The following NAALADL2 variants were observed in gnomAD, a reference collection of about 807,000 sequenced individuals.
NAALADL2 encodes N-acetylated alpha-linked acidic dipeptidase like 2.
NAALADL2 carries 76 observed loss-of-function variants against 87.2 expected under a neutral mutation model. That is an observed-to-expected ratio of 0.87 (90% confidence interval 0.72 to 1.05). The LOEUF (loss-of-function observed/expected upper bound fraction) is 1.05. NAALADL2 is among the 50% of genes least tolerant of loss of function. The pLI is 0.00. For missense variants in NAALADL2, 1,089 were observed against 945.8 expected (o/e 1.15, Z -1.99); for synonymous variants, 354 against 331.0 (o/e 1.07, Z -0.75).
chr3:174,766,891 A>G (rs1005013419), intron 3 of NAALADL2, among the ~76,000 whole-genome samples: 2 of 152,160 alleles, frequency 1.3e-5, no homozygotes, highest in Non-Finnish European at 2.9e-5. Flanking sequence ...AAATTTCTTT[A>G]CTATCTGCGG....
intron 13 of NAALADL2, among the ~76,000 whole-genome samples, chr3:175,794,248 A>C (rs541418052): frequency 6.6e-6 from 1 of 152,286 alleles, no homozygotes; most frequent in African/African-American, 2.4e-5. Flanking sequence ...AAATACTAAG[A>C]GATAATGAGT....
At chr3:174,924,063 C>G (rs1420116348) in intron 1 of NAALADL2, among the ~76,000 whole-genome samples, 1 of 151,984 alleles carries the variant, frequency 6.6e-6, no homozygotes, top group Non-Finnish European at 1.5e-5. Context: ...TATGCTGTTA[C>G]ATGCTTTTCT....
At chr3:175,154,278 G>T (rs1320614173) in intron 2 of NAALADL2, among the ~76,000 whole-genome samples, 1 of 152,034 alleles carries the variant, frequency 6.6e-6, no homozygotes, top group Non-Finnish European at 1.5e-5. Context: ...TATCCTACTG[G>T]ACTATGAAGA....
intron 9 of NAALADL2, among the ~76,000 whole-genome samples, chr3:175,508,318 C>T (rs1730642044): frequency 1.3e-5 from 2 of 152,138 alleles, no homozygotes; most frequent in Admixed American, 6.5e-5. Flanking sequence ...CTTGGGTGAT[C>T]TCATTAAATC....
intron 5 of NAALADL2, among the ~76,000 whole-genome samples, chr3:175,338,485 C>A (rs1762222448): frequency 6.6e-6 from 1 of 151,228 alleles, no homozygotes; most frequent in Admixed American, 6.6e-5. Flanking sequence ...GGTCCCCGTC[C>A]CTGTGAGGAA....
intron 1 of NAALADL2, among the ~76,000 whole-genome samples, chr3:174,875,862 C>T (rs577117491): frequency 3.9e-4 from 60 of 152,092 alleles, no homozygotes; most frequent in Non-Finnish European, 6.9e-4. Context: ...AAAGCCAAAT[C>T]TGAGAGTGAT....
In NAALADL2 at chr3:174,735,752, A is replaced by C. The variant is rs142020489; in HGVS notation, c.-114-1889A>C. Among the ~76,000 whole-genome samples, 459 of 152,068 alleles carry C rather than the reference A, an allele frequency of 3.0e-3. 2 individuals are homozygous for C. The highest frequency in any genetic ancestry group is 0.011 in the African/African-American group (440 of 41,476). On this transcript the variant is annotated intron_variant, in intron 2 of 3. Coordinates refer to the NAALADL2 transcript ENST00000434257. ...TTTTTTATTTTTATTTCTTGTAGAGATAGGGTCCCACTGTTCCAGGATCCT... is the reference window on the plus strand; with the variant it reads ...TTTTTTATTTTTATTTCTTGTAGAGCTAGGGTCCCACTGTTCCAGGATCCT...
chr3:175,201,793 GAA>G (rs149252405), intron 2 of NAALADL2, among the ~76,000 whole-genome samples: 3 of 137,736 alleles, frequency 2.2e-5, no homozygotes, highest in East Asian at 2.1e-4. Context: ...TACTTATTTG[GAA>G]AAAAAAAAAA....
chr3:174,457,763 A>G (rs1258287310), intron 1 of NAALADL2, among the ~76,000 whole-genome samples: 34 of 152,152 alleles, frequency 2.2e-4, no homozygotes, highest in Non-Finnish European at 1.5e-4. Flanking sequence ...GTGAGCTAAG[A>G]TCGTGCCATT....
intron 3 of NAALADL2, among the ~76,000 whole-genome samples, chr3:175,243,196 T>A (rs575840548): frequency 3.2e-4 from 48 of 151,634 alleles, no homozygotes; most frequent in African/African-American, 1.1e-3. Context: ...TTAGAGAGAC[T>A]TCTCTTTGGA....
intron 1 of NAALADL2, among the ~76,000 whole-genome samples, chr3:175,070,377 G>A (rs996995820): frequency 2.0e-5 from 3 of 151,854 alleles, no homozygotes; most frequent in African/African-American, 4.8e-5. Context: ...AGCTTTTATT[G>A]CATATAATGA....
At chr3:175,131,290 G>A (rs934302696) in intron 2 of NAALADL2, among the ~76,000 whole-genome samples, 1 of 151,928 alleles carries the variant, frequency 6.6e-6, no homozygotes, top group African/African-American at 2.4e-5. Context: ...CTAGGCAGAG[G>A]ACCCTGCGGC....
At chr3:174,512,898 T>C (rs1006568798) in intron 1 of NAALADL2, among the ~76,000 whole-genome samples, 1 of 152,146 alleles carries the variant, frequency 6.6e-6, no homozygotes, top group Non-Finnish European at 1.5e-5. Context: ...TTCACCTTGA[T>C]TTAAGTGGAA....
intron 5 of NAALADL2, among the ~76,000 whole-genome samples, chr3:175,337,713 A>G (rs75919317): frequency 0.05 from 7,535 of 151,766 alleles, 606 homozygotes; most frequent in African/African-American, 0.17. Context: ...TAATACAAAA[A>G]CAAACAAACA....
At chr3:175,412,269 A>C (rs1036550491) in intron 5 of NAALADL2, among the ~76,000 whole-genome samples, 1 of 152,200 alleles carries the variant, frequency 6.6e-6, no homozygotes, top group African/African-American at 2.4e-5. Flanking sequence ...GTGCACGTGC[A>C]CGCGTATAGT....
At chr3:175,147,959 A>G (rs929574498) in intron 2 of NAALADL2, among the ~76,000 whole-genome samples, 5 of 151,888 alleles carry the variant, frequency 3.3e-5, no homozygotes, top group Admixed American at 2.6e-4. Context: ...AATCCCAGCT[A>G]TATGGGAGGC....
chr3:175,740,538 G>C (rs192166233), intron 12 of NAALADL2, among the ~76,000 whole-genome samples: 47 of 152,328 alleles, frequency 3.1e-4, no homozygotes, highest in Non-Finnish European at 5.3e-4. Flanking sequence ...TTACTCAACA[G>C]ACCCAGACTT....
intron 3 of NAALADL2, among the ~76,000 whole-genome samples, chr3:175,244,788 T>A (rs1169988492): frequency 1.3e-5 from 2 of 152,188 alleles, no homozygotes; most frequent in African/African-American, 2.4e-5. Context: ...ACGTCTTCCC[T>A]GACTTCCCCT....
intron 1 of NAALADL2, among the ~76,000 whole-genome samples, chr3:174,516,452 C>G (rs1365669287): frequency 1.3e-5 from 2 of 151,958 alleles, no homozygotes; most frequent in African/African-American, 4.8e-5. Context: ...GTAGACGTTC[C>G]ACTTCTGCCT....
Sources: allele counts gnomAD v4.1 joint callset (sites outside exome capture counted in the v4.1 genomes callset), GRCh38; gene constraint gnomAD v4.1.1; transcripts MANE v1.5; gene names NCBI Gene and HGNC (gene_info 2026-07-23, HGNC 2026-07-21).